STEAP1B: variants seen among roughly 807,000 people sequenced by gnomAD.
The protein encoded by STEAP1B is STEAP family protein MGC87042.
STEAP1B carries 13 observed loss-of-function variants against 27.9 expected under a neutral mutation model. The ratio of observed to expected loss-of-function variants is 0.47; its 90% CI spans 0.30 to 0.74. STEAP1B has a LOEUF of 0.74. Among genes scored for constraint, STEAP1B ranks in the 30% least tolerant of loss-of-function variants. The probability of loss-of-function intolerance (pLI) is 0.06; values close to 1 mark genes in which losing one functional copy is unlikely to be tolerated. For missense variants in STEAP1B, 250 were observed against 298.7 expected, an observed-to-expected ratio of 0.84 and a Z score of 1.20; for synonymous variants, 86 against 107.1, an observed-to-expected ratio of 0.80 and a Z score of 1.22.
At chr7:22,456,972 A>ATTTTTTTTTTTTTTTTT (rs3064738) in intron 4 of STEAP1B, among the ~76,000 whole-genome samples, 10 of 56,972 alleles carry the variant, frequency 1.8e-4, no homozygotes, top group South Asian at 1.0e-3. Flanking sequence ...ATATATATAT[A>ATTTTTTTTTTTTTTTTT]TTTTTTTTTT....
In STEAP1B at chr7:22,493,315, T is replaced by C; in HGVS notation, c.597+9A>G. On this transcript the variant is annotated intron_variant, in intron 3 of 4. Transcript: ENST00000678116. The stretch of plus-strand genomic sequence containing the variant: ...TTTATTAGTAACAGTGACATCATTG[T>C]CATCTCACCTGTTGATATGCCCAGT... 6.2e-7 allele frequency: 1 copy of C among 1,601,682 alleles called. No homozygotes were observed. Among genetic ancestry groups the C allele is most frequent in the Non-Finnish European group, 8.5e-7 (1 of 1,171,536 alleles).
intron 4 of STEAP1B, among the ~76,000 whole-genome samples, chr7:22,443,649 TAGTC>T (rs1250313288): frequency 6.6e-6 from 1 of 152,198 alleles, no homozygotes; most frequent in African/African-American, 2.4e-5. Context: ...ACACTGTACA[TAGTC>T]AGTTCCTCCC....
intron 4 of STEAP1B, among the ~76,000 whole-genome samples, chr7:22,478,438 T>C (rs539357437): frequency 3.9e-5 from 6 of 152,348 alleles, no homozygotes; most frequent in African/African-American, 1.4e-4. Flanking sequence ...CAGGATTTTC[T>C]GCACCTTTCT....
chr7:22,449,032 G>T (rs1785447262), intron 4 of STEAP1B, among the ~76,000 whole-genome samples: 1 of 152,156 alleles, frequency 6.6e-6, no homozygotes, highest in Admixed American at 6.5e-5. Context: ...GTAGGTGTAT[G>T]TATTTATGGA....
At position 22,433,510 on chromosome 7, in the gene STEAP1B, G is replaced by A. The variant is rs1039181285; in HGVS notation, c.763-13674C>T. Among the ~76,000 whole-genome samples the A allele has an allele frequency of 2.0e-5, 3 of 146,882 alleles. No homozygotes were observed. In the Admixed American group the frequency reaches 2.1e-4, roughly 10 times the overall value. On this transcript the variant is annotated intron_variant, in intron 4 of 4. Transcript: ENST00000678116. Reference sequence around the variant, plus strand: ...GACTCATTGTAACCCCAGGGAGAGAGGATTTTCCTGCTCACAAAAGCACAA... The same window carrying A: ...GACTCATTGTAACCCCAGGGAGAGAAGATTTTCCTGCTCACAAAAGCACAA...
At chr7:22,490,973 G>A (rs1377904195) in intron 4 of STEAP1B, among the ~76,000 whole-genome samples, 3 of 152,348 alleles carry the variant, frequency 2.0e-5, no homozygotes, top group East Asian at 1.9e-4. Context: ...ATAGCAGTAC[G>A]TGATATATCT....
chr7:22,492,349 G>GAAAAAAAAAAAAAAA (rs1371957621), intron 4 of STEAP1B: 125 of 185,090 alleles, frequency 6.8e-4, no homozygotes, highest in South Asian at 1.1e-3. Context: ...AAAAAAAAAG[G>GAAAAAAAAAAAAAAA]ATATTTTAAT....
chr7:22,467,936 C>T (rs1785815117), intron 4 of STEAP1B, among the ~76,000 whole-genome samples: 1 of 152,162 alleles, frequency 6.6e-6, no homozygotes, highest in South Asian at 2.1e-4. Context: ...GAGTTCCAAT[C>T]CTCTTGAGAC....
At chr7:22,423,277 A>G (rs1420843557) in intron 4 of STEAP1B, among the ~76,000 whole-genome samples, 1 of 152,204 alleles carries the variant, frequency 6.6e-6, no homozygotes, top group African/African-American at 2.4e-5. Context: ...TATCTACTTA[A>G]GAGAAATAAA....
intron 4 of STEAP1B, among the ~76,000 whole-genome samples, chr7:22,445,645 T>C (rs1162302375): frequency 6.6e-6 from 1 of 152,252 alleles, no homozygotes; most frequent in African/African-American, 2.4e-5. Flanking sequence ...TGGTCGACCT[T>C]TTCCGGCTTG....
At chr7:22,449,440 T>C (rs2128404001) in intron 4 of STEAP1B, among the ~76,000 whole-genome samples, 1 of 152,352 alleles carries the variant, frequency 6.6e-6, no homozygotes, top group Non-Finnish European at 1.5e-5. Flanking sequence ...TATAATGATC[T>C]CCAGTTACAT....
intron 4 of STEAP1B, among the ~76,000 whole-genome samples, chr7:22,449,122 A>C (rs902318980): frequency 2.0e-5 from 3 of 152,136 alleles, no homozygotes; most frequent in African/African-American, 7.2e-5. Context: ...CCAAGCATTT[A>C]TCCTTTGTGT....
chr7:22,444,188 T>C (rs1021618773), intron 4 of STEAP1B, among the ~76,000 whole-genome samples: 1 of 152,208 alleles, frequency 6.6e-6, no homozygotes, highest in African/African-American at 2.4e-5. Context: ...CTTTAACGTC[T>C]CTAGGCCTCA....
intron 4 of STEAP1B, among the ~76,000 whole-genome samples, chr7:22,469,291 C>A (rs1785839452): frequency 6.6e-6 from 1 of 152,074 alleles, no homozygotes; most frequent in Non-Finnish European, 1.5e-5. Flanking sequence ...TGATGTTATA[C>A]AGCTGTACAG....
intron 4 of STEAP1B, among the ~76,000 whole-genome samples, chr7:22,453,473 G>A (rs1785523430): frequency 6.6e-6 from 1 of 152,194 alleles, no homozygotes. Context: ...AGATGGAAAG[G>A]ACCAAGGGAA....
intron 4 of STEAP1B, among the ~76,000 whole-genome samples, chr7:22,452,231 G>T (rs1785502366): frequency 6.6e-6 from 1 of 152,208 alleles, no homozygotes; most frequent in Non-Finnish European, 1.5e-5. Flanking sequence ...GCTACTGCAG[G>T]AAAGAAGAAA....
At chr7:22,456,972 A>ATATATATTTTTTTTTTTTTT in intron 4 of STEAP1B, among the ~76,000 whole-genome samples, 2 of 57,072 alleles carry the variant, frequency 3.5e-5, no homozygotes, top group East Asian at 1.3e-3. Flanking sequence ...ATATATATAT[A>ATATATATTTTTTTTTTTTTT]TTTTTTTTTT....
intron 4 of STEAP1B, among the ~76,000 whole-genome samples, chr7:22,443,286 T>C (rs1247290863): frequency 6.6e-6 from 1 of 152,216 alleles, no homozygotes; most frequent in Non-Finnish European, 1.5e-5. Flanking sequence ...TGTTCTTTGG[T>C]ATGTTCTGGA....
intron 4 of STEAP1B, among the ~76,000 whole-genome samples, chr7:22,429,873 T>G (rs961610178): frequency 6.6e-6 from 1 of 152,148 alleles, no homozygotes; most frequent in Non-Finnish European, 1.5e-5. Flanking sequence ...TTAACAGGCC[T>G]GACACAGGTT....
Sources: allele counts gnomAD v4.1 joint callset (sites outside exome capture counted in the v4.1 genomes callset), GRCh38; gene constraint gnomAD v4.1.1; transcripts MANE v1.5; gene names NCBI Gene and HGNC (gene_info 2026-07-23, HGNC 2026-07-21).